The following GPC5 variants were observed in gnomAD, a reference collection of about 807,000 sequenced individuals.
The protein encoded by GPC5 is glypican-5.
In GPC5, 47 loss-of-function variants were observed where a neutral mutation model predicts 53.9. That is an observed-to-expected ratio of 0.87 (90% confidence interval 0.69 to 1.11). GPC5 has a LOEUF of 1.11. Among genes scored for constraint, GPC5 ranks in the 50% most tolerant of loss-of-function variants. The probability of loss-of-function intolerance (pLI) is 0.00; values close to 1 mark genes in which losing one functional copy is unlikely to be tolerated. For synonymous variants in GPC5, 286 were observed against 263.3 expected, an observed-to-expected ratio of 1.09 and a Z score of -0.84; for missense variants, 748 against 713.1, an observed-to-expected ratio of 1.05 and a Z score of -0.56.
At chr13:92,859,480 T>C (rs1879111583) in intron 7 of GPC5, among the ~76,000 whole-genome samples, 1 of 152,076 alleles carries the variant, frequency 6.6e-6, no homozygotes, top group African/African-American at 2.4e-5. Context: ...TTTAAGTCCA[T>C]ATTATCACTA....
chr13:91,622,109 A>C (rs983624065), intron 2 of GPC5, among the ~76,000 whole-genome samples: 1 of 152,072 alleles, frequency 6.6e-6, no homozygotes, highest in Non-Finnish European at 1.5e-5. Context: ...TATTCTAGCC[A>C]CCCTGGCAAC....
At chr13:92,816,009 A>G (rs1877460138) in intron 7 of GPC5, among the ~76,000 whole-genome samples, 1 of 151,890 alleles carries the variant, frequency 6.6e-6, no homozygotes, top group East Asian at 1.9e-4. Flanking sequence ...CTGGGGAAAG[A>G]TCAGAGCTAT....
chr13:92,603,677 G>A (rs1448162928), intron 7 of GPC5, among the ~76,000 whole-genome samples: 2 of 152,150 alleles, frequency 1.3e-5, no homozygotes, highest in Admixed American at 1.3e-4. Flanking sequence ...CAACAACAAT[G>A]GACTTGGAAA....
intron 5 of GPC5, among the ~76,000 whole-genome samples, chr13:91,826,950 A>G (rs1414583991): frequency 1.3e-5 from 2 of 151,878 alleles, no homozygotes; most frequent in African/African-American, 4.8e-5. Flanking sequence ...GGGGAGGGGG[A>G]AATAAAGAGG....
chr13:92,242,862 T>A (rs181627927), intron 7 of GPC5, among the ~76,000 whole-genome samples: 2 of 152,280 alleles, frequency 1.3e-5, no homozygotes, highest in Admixed American at 1.3e-4. Context: ...TAGCCAACAA[T>A]CTGTAAGAAA....
At chr13:92,139,512 A>G (rs1359261529) in intron 6 of GPC5, among the ~76,000 whole-genome samples, 2 of 151,952 alleles carry the variant, frequency 1.3e-5, no homozygotes, top group African/African-American at 2.4e-5. Context: ...CTAAAAATAC[A>G]AAAAATTAGC....
At chr13:92,857,295 G>A (rs574318589) in intron 7 of GPC5, among the ~76,000 whole-genome samples, 2 of 152,068 alleles carry the variant, frequency 1.3e-5, no homozygotes, top group South Asian at 2.1e-4. Flanking sequence ...ACTCCTACAT[G>A]TCACCATATA....
intron 7 of GPC5, among the ~76,000 whole-genome samples, chr13:92,500,083 GT>G (rs1293108554): frequency 6.6e-6 from 1 of 152,178 alleles, no homozygotes; most frequent in Non-Finnish European, 1.5e-5. Flanking sequence ...CTGGACTCAA[GT>G]TAGCCTGAAA....
chr13:92,741,647 T>A (rs1379850563), intron 7 of GPC5, among the ~76,000 whole-genome samples: 1 of 152,150 alleles, frequency 6.6e-6, no homozygotes, highest in Non-Finnish European at 1.5e-5. Flanking sequence ...GCAGGTTTGT[T>A]ACATATGTAT....
intron 2 of GPC5, among the ~76,000 whole-genome samples, chr13:91,556,136 T>C (rs2030934806): frequency 1.3e-5 from 2 of 151,988 alleles, no homozygotes; most frequent in African/African-American, 4.8e-5. Context: ...AATTATTTTC[T>C]CATTTCAAGA....
At chr13:92,674,610 C>A (rs1886871244) in intron 7 of GPC5, among the ~76,000 whole-genome samples, 1 of 149,640 alleles carries the variant, frequency 6.7e-6, no homozygotes, top group African/African-American at 2.5e-5. Flanking sequence ...AGCAAGAGCT[C>A]ATGGAGTGGC....
At chr13:92,011,622 C>G (rs547050909) in intron 6 of GPC5, among the ~76,000 whole-genome samples, 1 of 152,138 alleles carries the variant, frequency 6.6e-6, no homozygotes, top group Non-Finnish European at 1.5e-5. Context: ...GTGGCATCCT[C>G]TTATGGGGTA....
chr13:92,328,561 G>A (rs911215036), intron 7 of GPC5, among the ~76,000 whole-genome samples: 1 of 152,122 alleles, frequency 6.6e-6, no homozygotes, highest in African/African-American at 2.4e-5. Flanking sequence ...AAGAGAACCA[G>A]AGTTCATTGT....
intron 6 of GPC5, among the ~76,000 whole-genome samples, chr13:92,114,976 A>T (rs1328177100): frequency 6.6e-6 from 1 of 152,202 alleles, no homozygotes; most frequent in Non-Finnish European, 1.5e-5. Context: ...TTCTTTTGAA[A>T]GTAGTTTTAT....
At chr13:91,998,336 T>A (rs1008420062) in intron 6 of GPC5, among the ~76,000 whole-genome samples, 1 of 152,242 alleles carries the variant, frequency 6.6e-6, no homozygotes, top group Admixed American at 6.5e-5. Context: ...TATCTTGGCC[T>A]GATGGCATTT....
chr13:92,433,218 G>A (rs1167173442), intron 7 of GPC5, among the ~76,000 whole-genome samples: 8 of 152,030 alleles, frequency 5.3e-5, no homozygotes, highest in Non-Finnish European at 1.0e-4. Context: ...AATGAGATTT[G>A]AAGCACAGAT....
chr13:92,397,767 AG>A (rs1248822379), intron 7 of GPC5, among the ~76,000 whole-genome samples: 1 of 152,186 alleles, frequency 6.6e-6, no homozygotes, highest in African/African-American at 2.4e-5. Context: ...GGAAACAGCA[AG>A]TCATTCCTTT....
intron 1 of GPC5, among the ~76,000 whole-genome samples, chr13:91,446,103 G>A (rs1226731268): frequency 2.0e-5 from 3 of 151,954 alleles, no homozygotes; most frequent in African/African-American, 7.3e-5. Context: ...TTTTGTTTTT[G>A]TTTTTTGGGG....
At chr13:92,772,563 T>G (rs1237498881) in intron 7 of GPC5, among the ~76,000 whole-genome samples, 1 of 152,190 alleles carries the variant, frequency 6.6e-6, no homozygotes, top group Non-Finnish European at 1.5e-5. Context: ...TTAGTATTCT[T>G]CCAATGTCAT....
Sources: allele counts gnomAD v4.1 joint callset (sites outside exome capture counted in the v4.1 genomes callset), GRCh38; gene constraint gnomAD v4.1.1; transcripts MANE v1.5; gene names NCBI Gene and HGNC (gene_info 2026-07-23, HGNC 2026-07-21).